PALLD: variants seen among roughly 807,000 people sequenced by gnomAD.
PALLD encodes palladin.
In PALLD, 61 loss-of-function variants were observed where a neutral mutation model predicts 123.5. That is an observed-to-expected ratio of 0.49 (90% confidence interval 0.40 to 0.61). The LOEUF (loss-of-function observed/expected upper bound fraction) is 0.61, where lower values mean the gene tolerates loss of function less well. Among genes scored for constraint, PALLD ranks in the 20% least tolerant of loss-of-function variants. PALLD has a pLI of 0.00. For missense variants in PALLD, 1,273 were observed against 1,377.0 expected, an observed-to-expected ratio of 0.92 and a Z score of 1.20; for synonymous variants, 465 against 496.4, an observed-to-expected ratio of 0.94 and a Z score of 0.84.
chr4:168,815,236 T>G (rs764326463), intron 10 of PALLD, among the ~76,000 whole-genome samples: 11 of 152,240 alleles, frequency 7.2e-5, no homozygotes, highest in Admixed American at 5.2e-4. Flanking sequence ...ACTAGCATCA[T>G]TTTCTTTTAG....
intron 10 of PALLD, among the ~76,000 whole-genome samples, chr4:168,799,652 G>A (rs991809443): frequency 5.9e-5 from 9 of 152,180 alleles, no homozygotes; most frequent in Non-Finnish European, 8.8e-5. Flanking sequence ...GTGTGTGTGC[G>A]AAAAGCATGT....
At chr4:168,697,422 G>T (rs1351964517) in intron 8 of PALLD, among the ~76,000 whole-genome samples, 1 of 152,222 alleles carries the variant, frequency 6.6e-6, no homozygotes, top group Non-Finnish European at 1.5e-5. Flanking sequence ...GGAATGAAGG[G>T]CAAGTTCAGA....
intron 1 of PALLD, among the ~76,000 whole-genome samples, chr4:168,497,573 C>T (rs1440090120): frequency 6.6e-6 from 1 of 152,146 alleles, no homozygotes; most frequent in Non-Finnish European, 1.5e-5. Context: ...TAGACCCTCA[C>T]CCATATTTAA....
At chr4:168,615,608 C>T (rs1473228914) in intron 2 of PALLD, among the ~76,000 whole-genome samples, 7 of 152,160 alleles carry the variant, frequency 4.6e-5, no homozygotes, top group Non-Finnish European at 7.3e-5. Flanking sequence ...AAGCATGTGT[C>T]CCCACACCTT....
rs1359012109 is a variant in PALLD, at chr4:168,927,771, GACTTGATGGTTTTAAGTCGGA to G, written c.*1594_*1614del. The G allele has an allele frequency of 4.5e-6, 1 of 220,794 alleles. No homozygotes were observed. The highest frequency in any genetic ancestry group is 9.1e-6 in the Non-Finnish European group (1 of 109,972). The allele number at this position is 220,794 out of a possible 1,614,324, so 13.7% of individuals were successfully genotyped here. On this transcript the variant is annotated 3_prime_UTR_variant, in exon 22 of 22. Coordinates refer to ENST00000505667, the MANE Select transcript of PALLD (RefSeq NM_001166108.2). ...AGCTAGACTGAGTTGATTCTGACCA[GACTTGATGGTTTTAAGTCGGA>G]ACCGATAAATTTTAAAAAGGAGAAA... is the stretch of plus-strand genomic sequence containing the variant.
At chr4:168,738,326 GAC>G (rs1787961429) in intron 10 of PALLD, among the ~76,000 whole-genome samples, 1 of 152,202 alleles carries the variant, frequency 6.6e-6, no homozygotes, top group Non-Finnish European at 1.5e-5. Context: ...CTCTATGGAA[GAC>G]ACAGAGCATA....
At chr4:168,704,122 G>A (rs6852694) in intron 8 of PALLD, among the ~76,000 whole-genome samples, 149,549 of 151,196 alleles carry the variant, frequency 0.99, 73,964 homozygotes, top group Middle Eastern at 1. Flanking sequence ...GAGAAAAACA[G>A]GCAATGGGGA....
intron 2 of PALLD, among the ~76,000 whole-genome samples, chr4:168,594,543 T>C (rs1226365394): frequency 6.6e-6 from 1 of 152,144 alleles, no homozygotes; most frequent in Non-Finnish European, 1.5e-5. Context: ...GAAACCGGTA[T>C]AGTGAAAGAG....
intron 10 of PALLD, among the ~76,000 whole-genome samples, chr4:168,771,511 G>T (rs1392016873): frequency 6.6e-6 from 1 of 152,132 alleles, no homozygotes; most frequent in Admixed American, 6.6e-5. Context: ...TAGAAGGCAG[G>T]CACCCATACA....
At chr4:168,533,166 C>A (rs17054309) in intron 2 of PALLD, among the ~76,000 whole-genome samples, 27,955 of 152,022 alleles carry the variant, frequency 0.18, 2,517 homozygotes, top group African/African-American at 0.21. Context: ...TGGCTTTTTA[C>A]TTTCTACCTT....
chr4:168,890,876 A>T, intron 10 of PALLD, 46 bp from the exon 11 acceptor site: 1 of 1,608,892 alleles, frequency 6.2e-7, no homozygotes, highest in Middle Eastern at 1.7e-4. Flanking sequence ...ACTTGGATTT[A>T]TATGCCTGAC....
chr4:168,749,333 T>G (rs1259521283), intron 10 of PALLD, among the ~76,000 whole-genome samples: 1 of 152,016 alleles, frequency 6.6e-6, no homozygotes, highest in Non-Finnish European at 1.5e-5. Flanking sequence ...CAGGTAGTCC[T>G]TTATAGAAAC....
intron 21 of PALLD, 64 bp downstream of exon 21, chr4:168,925,342 G>A (rs552537711): frequency 8.1e-7 from 1 of 1,236,618 alleles, no homozygotes; most frequent in East Asian, 2.3e-5. Flanking sequence ...ACATTGGCTA[G>A]TTAGTTGTGG....
chr4:168,723,024 C>G (rs1786175616), intron 10 of PALLD, among the ~76,000 whole-genome samples: 1 of 152,282 alleles, frequency 6.6e-6, no homozygotes, highest in African/African-American at 2.4e-5. Context: ...GTTTAAAAAA[C>G]TTAAACTCTT....
chr4:168,568,746 A>G (rs2149600541), intron 2 of PALLD, among the ~76,000 whole-genome samples: 1 of 151,160 alleles, frequency 6.6e-6, no homozygotes, highest in South Asian at 2.1e-4. Flanking sequence ...GTATGTAGGT[A>G]TATATGTATA....
intron 3 of PALLD, among the ~76,000 whole-genome samples, chr4:168,671,687 G>A (rs1214971511): frequency 6.6e-6 from 1 of 152,090 alleles, no homozygotes; most frequent in Admixed American, 6.5e-5. Flanking sequence ...ATGTGAAGTG[G>A]GAGAGAACCT....
At chr4:168,877,003 T>C (rs1431915690) in intron 10 of PALLD, among the ~76,000 whole-genome samples, 1 of 152,222 alleles carries the variant, frequency 6.6e-6, no homozygotes, top group East Asian at 1.9e-4. Flanking sequence ...GGGAATTAAA[T>C]ATACATCATT....
chr4:168,499,917 C>T (rs1761221085), intron 1 of PALLD, among the ~76,000 whole-genome samples: 1 of 152,174 alleles, frequency 6.6e-6, no homozygotes. Context: ...AAGTATTTCA[C>T]AAACAGACTT....
rs62334340 is a variant in PALLD at position 168,821,596 on chromosome 4, C to T, written c.1965-69326C>T. Among the ~76,000 whole-genome samples the T allele has an allele frequency of 2.0e-5, 3 of 151,968 alleles. No homozygotes were observed. The East Asian group carries it at 5.8e-4, about 29-fold the overall frequency. ...TATACGTATAAAGAGAAGTTTTAGG[C>T]CAGGTGCAGTAGCTCACGGCTGTAA... On this transcript the variant is annotated intron_variant, in intron 10 of 21. Transcript: ENST00000505667.
Sources: gnomAD v4.1 joint callset for allele counts (sites outside exome capture counted in the v4.1 genomes callset) on GRCh38, gnomAD v4.1.1 for gene constraint, MANE v1.5 for transcripts, NCBI Gene and HGNC (gene_info 2026-07-23, HGNC 2026-07-21) for gene names.